RERE: variants seen among roughly 807,000 people sequenced by gnomAD.
RERE encodes the protein arginine-glutamic acid dipeptide repeats, also known as arginine-glutamic acid dipeptide repeats protein.
Under a neutral mutation model 146.1 loss-of-function variants are expected in RERE, and 40 were observed. The observed-to-expected ratio is 0.27, with a 90% CI of 0.21 to 0.36. The LOEUF (loss-of-function observed/expected upper bound fraction) is 0.36, where lower values mean the gene tolerates loss of function less well. RERE is among the 10% of genes least tolerant of loss of function. RERE has a pLI of 1.00. For missense variants in RERE, 1,933 were observed against 2,138.7 expected, an observed-to-expected ratio of 0.90 and a Z score of 1.90; for synonymous variants, 1,003 against 866.0, an observed-to-expected ratio of 1.16 and a Z score of -2.78.
intron 1 of RERE, among the ~76,000 whole-genome samples, chr1:8,671,183 A>C (rs1638708692): frequency 6.6e-6 from 1 of 152,232 alleles, no homozygotes; most frequent in African/African-American, 2.4e-5. Flanking sequence ...ATGGTATCAA[A>C]ACAAACTACT....
chr1:8,764,025 C>CA (rs1640803532), intron 1 of RERE, among the ~76,000 whole-genome samples: 1 of 152,024 alleles, frequency 6.6e-6, no homozygotes, highest in African/African-American at 2.4e-5. Context: ...AAAGCTAACT[C>CA]AAGGTCAAGA....
At chr1:8,776,424 A>C (rs1484139792) in intron 1 of RERE, among the ~76,000 whole-genome samples, 1 of 152,084 alleles carries the variant, frequency 6.6e-6, no homozygotes, top group Non-Finnish European at 1.5e-5. Flanking sequence ...CAGCCTTCCA[A>C]GTAGCTGGGA....
At chr1:8,786,180 TA>T (rs1468654828) in intron 1 of RERE, 1 of 652,408 alleles carries the variant, frequency 1.5e-6, no homozygotes, top group Non-Finnish European at 2.7e-6. Context: ...ACTAGAAAAA[TA>T]ATTGTGGTAA....
In RERE at chr1:8,482,681, CAAAAAAA is replaced by C. The variant is rs35501735; in HGVS notation, c.1104+12375_1104+12381del. 8.9e-3 allele frequency among the ~76,000 whole-genome samples: 457 copies of C among 51,210 alleles called. 1 individual carries two copies. Among genetic ancestry groups the C allele is most frequent in the African/African-American group, 0.021 (403 of 19,626 alleles). 33.6% of individuals were successfully genotyped at this position (51,210 alleles called of 152,430 possible). On this transcript the variant is annotated intron_variant, in intron 10 of 22. Coordinates refer to ENST00000400908, the MANE Select transcript of RERE (RefSeq NM_001042681.2). ...TGGGCAACAGAGTGAGATTCTGTTG[CAAAAAAA>C]AAAAAAAAAAAAAAAAAAAGACAAA...
At position 8,448,141 on chromosome 1, in the gene RERE, G is replaced by A. The variant is rs141358968; in HGVS notation, c.1203+17784C>T. On this transcript the variant is annotated intron_variant, in intron 11 of 22. Transcript: ENST00000400908. The stretch of plus-strand genomic sequence containing the variant: ...TTGAGGTGGGGAGTTCCTGTCCAGG[G>A]CCACCTGGAGGCCTCTGCACACGAC... Among the ~76,000 whole-genome samples the A allele has an allele frequency of 2.7e-3, 407 of 152,262 alleles. 11 individuals are homozygous for A. The East Asian group carries it at 0.027, about 10-fold the overall frequency.
At chr1:8,502,463 T>A (rs1247671046) in intron 8 of RERE, among the ~76,000 whole-genome samples, 17 of 112,228 alleles carry the variant, frequency 1.5e-4, no homozygotes, top group East Asian at 3.0e-4. Flanking sequence ...GGGAGGGTGG[T>A]GGGGGGGTCA....
chr1:8,367,775 G>A (rs1293301136), intron 12 of RERE, among the ~76,000 whole-genome samples: 1 of 152,216 alleles, frequency 6.6e-6, no homozygotes, highest in Non-Finnish European at 1.5e-5. Flanking sequence ...CAGCGGGCAT[G>A]AGCATCCTGG....
chr1:8,386,556 G>A (rs1642686749), intron 12 of RERE, among the ~76,000 whole-genome samples: 1 of 64,682 alleles, frequency 1.5e-5, no homozygotes, highest in South Asian at 5.9e-4. Flanking sequence ...CATTATTTAA[G>A]ATGAATATCT....
chr1:8,447,117 CCTG>C (rs1644332415), intron 11 of RERE, among the ~76,000 whole-genome samples: 1 of 151,344 alleles, frequency 6.6e-6, no homozygotes, highest in Non-Finnish European at 1.5e-5. Flanking sequence ...ACAAAGTTCT[CCTG>C]CTGTTTTTTT....
intron 1 of RERE, among the ~76,000 whole-genome samples, chr1:8,815,842 T>C (rs1641901655): frequency 7.0e-6 from 1 of 143,338 alleles, no homozygotes; most frequent in African/African-American, 3.0e-5. Flanking sequence ...TGTGTGTGTG[T>C]ATGTGTGTGT....
intron 1 of RERE, among the ~76,000 whole-genome samples, chr1:8,665,016 G>A (rs80001448): frequency 0.016 from 2,429 of 151,802 alleles, 49 homozygotes; most frequent in Non-Finnish European, 0.026. Context: ...TCCTTTTTTC[G>A]CTTCATCTCT....
chr1:8,406,869 G>C (rs955364695), intron 12 of RERE, among the ~76,000 whole-genome samples: 7 of 152,154 alleles, frequency 4.6e-5, no homozygotes, highest in Admixed American at 3.9e-4. Context: ...GCCCAGGCAA[G>C]AGTCAGAGCT....
chr1:8,416,478 C>T (rs1035203900), intron 12 of RERE, among the ~76,000 whole-genome samples: 6 of 150,002 alleles, frequency 4.0e-5, no homozygotes, highest in African/African-American at 7.4e-5. Flanking sequence ...CCCAGCTACT[C>T]GGGAGGCTGA....
rs3050828 is a variant in RERE, at chr1:8,545,982, C to CTTTTTTTTTTTTTTTT, written c.726-4680_726-4665dup. On this transcript the variant is annotated intron_variant, in intron 6 of 22. Coordinates refer to ENST00000400908, the MANE Select transcript of RERE (RefSeq NM_001042681.2). Reference sequence around the variant, plus strand: ...ACAGGTGCAAGCTACCATACCCAGTCTTTTTTTTTTTTTTTTTTTTTTTTT... The same window carrying CTTTTTTTTTTTTTTTT: ...ACAGGTGCAAGCTACCATACCCAGTCTTTTTTTTTTTTTTTTTTTTTTTTTTTTTTTTTTTTTTTTT... Among the ~76,000 whole-genome samples the CTTTTTTTTTTTTTTTT allele has an allele frequency of 6.5e-4, 45 of 69,476 alleles. 4 individuals are homozygous for CTTTTTTTTTTTTTTTT. Among genetic ancestry groups the CTTTTTTTTTTTTTTTT allele is most frequent in the African/African-American group, 2.6e-3 (44 of 16,698 alleles). 45.6% of individuals were successfully genotyped at this position (69,476 alleles called of 152,430 possible). A position where few individuals can be genotyped will look rare whatever the true frequency, so the allele number is the denominator to read the frequency against.
chr1:8,538,146 C>T lies in RERE; in HGVS notation c.830+3068G>A, dbSNP rs760269885. Among the ~76,000 whole-genome samples the T allele has an allele frequency of 6.2e-4, 95 of 152,188 alleles. 1 individual carries two copies. The highest frequency in any genetic ancestry group is 1.2e-3 in the Non-Finnish European group (79 of 68,042). On this transcript the variant is annotated intron_variant, in intron 7 of 22. Coordinates refer to ENST00000400908, the MANE Select transcript of RERE (RefSeq NM_001042681.2). ...CACTATTCCTTAAATTTCCAGTGGA[C>T]TTTCCTATATGCAGTATTGCCCAGG...
Position 8,495,032 on chromosome 1 carries a change from T to C in RERE, c.1104+31A>G, listed in dbSNP as rs776779682. The C allele has an allele frequency of 5.4e-6, 8 of 1,482,574 alleles. No homozygotes were observed. The Admixed American group carries it at 1.2e-4, about 22-fold the overall frequency. The allele number at this position is 1,482,574 out of a possible 1,614,324, so 91.8% of individuals were successfully genotyped here. A position where few individuals can be genotyped will look rare whatever the true frequency, so the allele number is the denominator to read the frequency against. The stretch of plus-strand genomic sequence containing the variant: ...CCAGTTCAGGGGAAAAAGAAGTGTC[T>C]TCCCACTCAGGGTGACTTCAAAAGA... On this transcript the variant is annotated intron_variant, in intron 10 of 22. Coordinates refer to ENST00000400908, the MANE Select transcript of RERE (RefSeq NM_001042681.2).
intron 15 of RERE, 125 bp from the exon 16 acceptor site, chr1:8,362,969 T>C: frequency 9.1e-7 from 1 of 1,104,226 alleles, no homozygotes; most frequent in Non-Finnish European, 1.3e-6. Flanking sequence ...ATCCCAGACC[T>C]TGGCAAACAA....
chr1:8,749,844 C>A (rs928532213), intron 1 of RERE, among the ~76,000 whole-genome samples: 2 of 152,060 alleles, frequency 1.3e-5, no homozygotes, highest in African/African-American at 4.8e-5. Flanking sequence ...TCCACTCCTC[C>A]AACTCTGTGT....
chr1:8,620,171 T>C (rs1045621137), intron 3 of RERE, among the ~76,000 whole-genome samples: 18 of 152,216 alleles, frequency 1.2e-4, no homozygotes, highest in Admixed American at 2.6e-4. Flanking sequence ...GTTGGAGATA[T>C]TAATCTAGGC....
Sources: gnomAD v4.1 joint callset for allele counts (sites outside exome capture counted in the v4.1 genomes callset) on GRCh38, gnomAD v4.1.1 for gene constraint, MANE v1.5 for transcripts, NCBI Gene and HGNC (gene_info 2026-07-23, HGNC 2026-07-21) for gene names.